CRADD: variants seen among roughly 807,000 people sequenced by gnomAD.
CRADD encodes the protein death domain-containing protein CRADD.
Under a neutral mutation model 15.5 loss-of-function variants are expected in CRADD, and 9 were observed. The observed-to-expected ratio is 0.58, with a 90% CI of 0.35 to 1.01. The LOEUF (loss-of-function observed/expected upper bound fraction) is 1.01, where lower values mean the gene tolerates loss of function less well. CRADD is among the 50% of genes least tolerant of loss of function. The pLI, the probability that CRADD is intolerant of heterozygous loss-of-function variation, is 0.02. For missense variants in CRADD, 227 were observed against 250.3 expected, an observed-to-expected ratio of 0.91 and a Z score of 0.63; for synonymous variants, 118 against 107.6, an observed-to-expected ratio of 1.10 and a Z score of -0.60.
intron 2 of CRADD, among the ~76,000 whole-genome samples, chr12:93,679,403 A>G (rs1462684164): frequency 6.6e-6 from 1 of 152,086 alleles, no homozygotes; most frequent in African/African-American, 2.4e-5. Flanking sequence ...CCGCCTCCCA[A>G]AGTGCTGGGA....
At chr12:93,711,055 C>CCCCTTT in intron 2 of CRADD, among the ~76,000 whole-genome samples, 109 of 43,512 alleles carry the variant, frequency 2.5e-3, no homozygotes, top group South Asian at 4.0e-3. Flanking sequence ...CCACCCCCGC[C>CCCCTTT]TTTTTTTTTT....
rs761719331 is a variant in CRADD at position 93,886,162 on chromosome 12, C to CTTTTTTTT, written c.299-7875_299-7868dup. ...ATGGACATGCCTCTAGCTGCTGATG[C>CTTTTTTTT]TTTTTTTTTTTTTTTTTTTTGAGAC... On this transcript the variant is annotated intron_variant, in intron 2 of 2. Coordinates refer to the CRADD transcript ENST00000548483. 4.0e-5 allele frequency among the ~76,000 whole-genome samples: 5 copies of CTTTTTTTT among 123,948 alleles called. 1 individual carries two copies. The highest frequency in any genetic ancestry group is 6.1e-5 in the African/African-American group (2 of 32,884). The allele number at this position is 123,948 out of a possible 152,430, so 81.3% of individuals were successfully genotyped here.
At chr12:93,873,781 A>G (rs1349789375) in intron 2 of CRADD, among the ~76,000 whole-genome samples, 1 of 152,114 alleles carries the variant, frequency 6.6e-6, no homozygotes, top group African/African-American at 2.4e-5. Flanking sequence ...GTGATGAATG[A>G]TCTTTCTAAT....
chr12:93,800,850 A>G (rs1452143358), intron 2 of CRADD, among the ~76,000 whole-genome samples: 10 of 152,148 alleles, frequency 6.6e-5, no homozygotes, highest in Admixed American at 5.9e-4. Context: ...ATGTTTCGCC[A>G]GCTATCTGGG....
At chr12:93,713,995 A>G (rs548362885) in intron 2 of CRADD, among the ~76,000 whole-genome samples, 12 of 152,328 alleles carry the variant, frequency 7.9e-5, no homozygotes, top group African/African-American at 2.4e-4. Flanking sequence ...AGATGAGGTG[A>G]TATGACAGCT....
At chr12:93,829,880 A>G (rs116948056) in intron 2 of CRADD, among the ~76,000 whole-genome samples, 6,615 of 152,048 alleles carry the variant, frequency 0.044, 192 homozygotes, top group Non-Finnish European at 0.068. Context: ...TTTAGTAGAG[A>G]GGGGTTTTCA....
chr12:93,684,354 G>A (rs1955386692), intron 2 of CRADD, among the ~76,000 whole-genome samples: 1 of 152,230 alleles, frequency 6.6e-6, no homozygotes, highest in Admixed American at 6.5e-5. Flanking sequence ...TAAGGAGTGC[G>A]CGACCTCGAT....
At chr12:93,852,773 A>G (rs1958238835), downstream of CRADD, among the ~76,000 whole-genome samples, 1 of 152,056 alleles carries the variant, frequency 6.6e-6, no homozygotes, top group African/African-American at 2.4e-5. Context: ...TGGCAAGAGC[A>G]TTTGCCGGCA....
chr12:93,847,555 A>T (rs1313039848), intron 2 of CRADD, among the ~76,000 whole-genome samples: 3 of 151,068 alleles, frequency 2.0e-5, no homozygotes, highest in Non-Finnish European at 4.4e-5. Flanking sequence ...AAATGACTCA[A>T]ATCAGAAGAA....
At chr12:93,817,956 G>A (rs929496518) in intron 2 of CRADD, among the ~76,000 whole-genome samples, 5 of 152,188 alleles carry the variant, frequency 3.3e-5, no homozygotes, top group East Asian at 3.9e-4. Context: ...GCCGTGCAGC[G>A]GTGCCTTGTG....
intron 2 of CRADD, among the ~76,000 whole-genome samples, chr12:93,723,774 T>G (rs1253796431): frequency 6.6e-6 from 1 of 152,224 alleles, no homozygotes; most frequent in African/African-American, 2.4e-5. Flanking sequence ...AGTAAGCCTG[T>G]GCCTCTGGAC....
At chr12:93,723,458 T>C (rs1486569923) in intron 2 of CRADD, among the ~76,000 whole-genome samples, 1 of 152,130 alleles carries the variant, frequency 6.6e-6, no homozygotes, top group Non-Finnish European at 1.5e-5. Context: ...AGGAACTGAC[T>C]CAGTACAAGA....
At chr12:93,694,645 A>C (rs1018210382) in intron 2 of CRADD, among the ~76,000 whole-genome samples, 1 of 152,194 alleles carries the variant, frequency 6.6e-6, no homozygotes, top group African/African-American at 2.4e-5. Context: ...TAACATAAAA[A>C]TCAGTAGTGT....
At chr12:93,830,669 T>G (rs1376501751) in intron 2 of CRADD, among the ~76,000 whole-genome samples, 1 of 152,232 alleles carries the variant, frequency 6.6e-6, no homozygotes, top group Non-Finnish European at 1.5e-5. Flanking sequence ...GGTACTGAAC[T>G]AAGTAGGTAC....
Position 93,760,218 on chromosome 12 carries a change from G to A in CRADD, c.298+81146G>A, listed in dbSNP as rs181935503. ...GAAAACCATTATCTTATTAATCTCT[G>A]TGTGATTAATTAATTATAAATGAGT... On this transcript the variant is annotated intron_variant, in intron 2 of 2. Coordinates refer to ENST00000332896, the MANE Select transcript of CRADD (RefSeq NM_003805.5). Among the ~76,000 whole-genome samples the A allele has an allele frequency of 3.6e-3, 543 of 152,300 alleles. 5 individuals carry two copies. The highest frequency in any genetic ancestry group is 0.027 in the Middle Eastern group (8 of 294).
intron 2 of CRADD, among the ~76,000 whole-genome samples, chr12:93,686,773 G>C (rs911017526): frequency 2.0e-5 from 3 of 152,162 alleles, no homozygotes; most frequent in Admixed American, 2.0e-4. Flanking sequence ...TTATTACTGG[G>C]ACTAGAATCC....
rs1555228663 is a variant in CRADD, at chr12:93,845,578, A to ATTT, written c.299-4389_299-4387dup. ...GTCTCTATTAAATATATATATATAT[A>ATTT]TTTTTAATAAAGAAAAGAAAGGAAC... On this transcript the variant is annotated intron_variant, in intron 2 of 2. Coordinates refer to ENST00000332896, the MANE Select transcript of CRADD (RefSeq NM_003805.5). Among the ~76,000 whole-genome samples, 68 of 77,374 alleles carry ATTT rather than the reference A, an allele frequency of 8.8e-4. 2 individuals carry two copies. In the Middle Eastern group the frequency reaches 0.022, roughly 25 times the overall value. The allele number at this position is 77,374 out of a possible 152,430, so 50.8% of individuals were successfully genotyped here.
chr12:93,728,165 C>T (rs945067887), intron 2 of CRADD, among the ~76,000 whole-genome samples: 2 of 152,200 alleles, frequency 1.3e-5, no homozygotes, highest in African/African-American at 4.8e-5. Flanking sequence ...CTTTCTTCCA[C>T]AAGGCATTCT....
At chr12:93,731,821 A>G (rs903126003) in intron 2 of CRADD, among the ~76,000 whole-genome samples, 2 of 152,240 alleles carry the variant, frequency 1.3e-5, no homozygotes, top group African/African-American at 4.8e-5. Flanking sequence ...TGCTTGATAT[A>G]ATCTTCAAAA....
Sources: gnomAD v4.1 joint callset for allele counts (sites outside exome capture counted in the v4.1 genomes callset) on GRCh38, gnomAD v4.1.1 for gene constraint, MANE v1.5 for transcripts, NCBI Gene and HGNC (gene_info 2026-07-23, HGNC 2026-07-21) for gene names.